Variants in KIF27 observed in about 807,000 individuals in gnomAD.
KIF27 encodes the protein kinesin-like protein KIF27.
KIF27 carries 84 observed loss-of-function variants against 141.8 expected under a neutral mutation model. The ratio of observed to expected loss-of-function variants is 0.59; its 90% confidence interval spans 0.50 to 0.71. The LOEUF is 0.71. Ranked by LOEUF, KIF27 falls within the 30% of genes least tolerant of loss-of-function variation. The pLI is 0.00. For missense variants in KIF27, 1,306 were observed against 1,628.4 expected (o/e 0.80, Z 3.41); for synonymous variants, 471 against 569.5 (o/e 0.83, Z 2.46).
At chr9:83,863,726 G>T (rs553736127) in intron 13 of KIF27, 1 of 152,238 alleles carries the variant, frequency 6.6e-6, no homozygotes, top group African/African-American at 2.4e-5. Context: ...TTTTTCTATT[G>T]ATTGGAATAG....
intron 9 of KIF27, among the ~76,000 whole-genome samples, chr9:83,885,442 CA>C (rs1481913439): frequency 3.3e-5 from 5 of 152,126 alleles, no homozygotes; most frequent in Non-Finnish European, 1.5e-5. Context: ...AAATACTCAT[CA>C]TTTTTTTATA....
intron 12 of KIF27, 161 bp from the exon 13 acceptor site, chr9:83,868,021 T>G (rs938743779): frequency 1.5e-6 from 1 of 664,230 alleles, no homozygotes; most frequent in Non-Finnish European, 2.4e-6. Flanking sequence ...AAGACATCAG[T>G]GGTTCTAGTC....
At chr9:83,859,526 A>G (rs1949642620) in intron 13 of KIF27, 155 bp from the exon 14 acceptor site, 1 of 602,266 alleles carries the variant, frequency 1.7e-6, no homozygotes, top group Non-Finnish European at 2.9e-6. Flanking sequence ...GGGAGGGGGT[A>G]TTCATTTTCT....
At chr9:83,892,440 T>G (rs1041783499) in intron 5 of KIF27, among the ~76,000 whole-genome samples, 3 of 150,472 alleles carry the variant, frequency 2.0e-5, no homozygotes, top group African/African-American at 7.3e-5. Context: ...AAAAAAAGAG[T>G]AAAACTATAA....
rs1237641815 is a variant in KIF27, at chr9:83,908,545, T to G, written c.406A>C (p.Ile136Leu). 1.2e-6 allele frequency: 2 copies of G among 1,610,254 alleles called. No homozygotes were observed. The highest frequency in any genetic ancestry group is 4.5e-5 in the East Asian group (2 of 44,798). Reference protein sequence around the residue: ...SIDFNVKVSYIEVYKEDLRDL... With the variant: ...SIDFNVKVSYLEVYKEDLRDL... Reference sequence around the variant, plus strand: ...CTTAGGTCTTCCTTGTACACTTCTATATAAGATACTTTTACATTAAAGTCA... The same window carrying G: ...CTTAGGTCTTCCTTGTACACTTCTAGATAAGATACTTTTACATTAAAGTCA... Residue 136 changes from isoleucine to leucine, a missense_variant, in exon 3 of 18, where the codon ATA (isoleucine) becomes CTA (leucine). Ile to Leu is a conservative substitution (Grantham distance 5). Transcript: ENST00000297814.
intron 16 of KIF27, among the ~76,000 whole-genome samples, chr9:83,846,635 T>C (rs563988486): frequency 1.3e-5 from 2 of 152,230 alleles, no homozygotes; most frequent in East Asian, 1.9e-4. Flanking sequence ...GTTTCTTCCA[T>C]AGCCAGGATT....
At chr9:83,877,779 A>C (rs1362428195) in intron 11 of KIF27, among the ~76,000 whole-genome samples, 1 of 152,208 alleles carries the variant, frequency 6.6e-6, no homozygotes, top group Non-Finnish European at 1.5e-5. Context: ...TAATGTCAGA[A>C]TATGTAAAGA....
In KIF27 at chr9:83,891,355, T is replaced by G. The variant is rs774223046; in HGVS notation, c.1749A>C (p.Val583=). The G allele has an allele frequency of 1.1e-4, 170 of 1,613,602 alleles. No homozygotes were observed. The highest frequency in any genetic ancestry group is 1.5e-4 in the South Asian group (14 of 91,068). The change falls in exon 6 of 18, where the codon GTA becomes GTC. Residue 583 remains valine, a synonymous_variant. Transcript: ENST00000297814. ...ARIPERRPYT[V]PFDTHLGHYI... ...AATGCCCCAAATGAGTATCAAATGG[T>G]ACAGTATATGGTCTCCTTTCAGGGA...
intron 1 of KIF27, among the ~76,000 whole-genome samples, chr9:83,917,342 AC>A (rs1437065354): frequency 6.6e-6 from 1 of 152,204 alleles, no homozygotes; most frequent in Admixed American, 6.5e-5. Context: ...AAATGAAAAA[AC>A]ATCTCATGTT....
In KIF27 at chr9:83,857,963, TG is replaced by T. The variant is rs1230737890; in HGVS notation, c.3150+1192del. On this transcript the variant is annotated intron_variant, in intron 14 of 17. Coordinates refer to ENST00000297814, the MANE Select transcript of KIF27 (RefSeq NM_017576.4). ...ATTTCTCAAGGGAAACATAATACTT[TG>T]GGTTTTTTTTTTTTTTTTTTGCTTC... 6.2e-5 allele frequency among the ~76,000 whole-genome samples: 9 copies of T among 144,876 alleles called. 1 individual carries two copies. The highest frequency in any genetic ancestry group is 2.2e-4 in the African/African-American group (9 of 40,274).
chr9:83,898,862 G>A (rs143950227), intron 5 of KIF27: 1,548 of 152,394 alleles, frequency 0.01, 24 homozygotes, highest in African/African-American at 0.035. Context: ...AGGCTGAGGC[G>A]GGAGGATCAC....
intron 13 of KIF27, among the ~76,000 whole-genome samples, chr9:83,862,496 A>G (rs555739375): frequency 2.6e-5 from 4 of 152,190 alleles, no homozygotes; most frequent in Admixed American, 1.3e-4. Flanking sequence ...GATGTGTGGT[A>G]TTATTTCTGA....
At chr9:83,856,249 G>C (rs1363094394) in intron 14 of KIF27, among the ~76,000 whole-genome samples, 5 of 152,100 alleles carry the variant, frequency 3.3e-5, no homozygotes, top group African/African-American at 1.2e-4. Context: ...CAGAGACCAA[G>C]TAAAATGAAA....
Position 83,908,465 on chromosome 9 carries a change from T to G in KIF27, c.486A>C (p.Glu162Asp), listed in dbSNP as rs923880280. ...GTGCTACTTTACCTGTGTTTCCTTT[T>G]TCATCTTCTCGGATGTGAAGATCCT... ...SMKDLHIRED[E>D]KGNTVIVGAK... Residue 162 changes from glutamate (E) to aspartate (D), a missense_variant, in exon 3 of 18, where the codon GAA becomes GAC. By Grantham distance (45) the Glu-to-Asp change is conservative. This residue lies in a region of KIF27 where 533 missense variants were observed against 565.6 expected (regional missense o/e 0.94). Transcript: ENST00000297814. 1.2e-6 allele frequency: 2 copies of G among 1,606,688 alleles called. No individual in the cohort carries two copies.
At chr9:83,880,608 A>G (rs1951598201) in intron 10 of KIF27, 114 bp from the exon 11 acceptor site, 1 of 888,218 alleles carries the variant, frequency 1.1e-6, no homozygotes, top group Non-Finnish European at 1.7e-6. Flanking sequence ...ATTTTCATTT[A>G]TTTTTGACAG....
chr9:83,918,874 G>C (rs778969623), intron 1 of KIF27, among the ~76,000 whole-genome samples: 1 of 151,950 alleles, frequency 6.6e-6, no homozygotes, highest in Non-Finnish European at 1.5e-5. Flanking sequence ...TCAGGAGTTC[G>C]AGACCAGCCT....
chr9:83,888,126 T>C (rs1240432388), intron 8 of KIF27, among the ~76,000 whole-genome samples: 1 of 120,686 alleles, frequency 8.3e-6, no homozygotes, highest in Non-Finnish European at 1.7e-5. Flanking sequence ...AAATACATCA[T>C]TGATGTTAGG....
intron 14 of KIF27, chr9:83,858,365 G>C (rs1224965271): frequency 2.0e-5 from 3 of 152,128 alleles, no homozygotes; most frequent in African/African-American, 7.2e-5. Context: ...ATTCACCACT[G>C]TGTGTGATTC....
intron 14 of KIF27, chr9:83,854,949 G>A (rs1254998878): frequency 6.6e-6 from 1 of 152,016 alleles, no homozygotes; most frequent in Non-Finnish European, 1.5e-5. Flanking sequence ...AGAGAAAAAA[G>A]TTTCATGTGT....
Sources: gnomAD v4.1 joint callset for allele counts (sites outside exome capture counted in the v4.1 genomes callset) on GRCh38, gnomAD v4.1.1 for gene constraint, gnomAD v4.1.1 regional missense constraint, MANE v1.5 for transcripts, NCBI Gene and HGNC (gene_info 2026-07-23, HGNC 2026-07-21) for gene names.